Variants in PCYT2 observed in about 807,000 individuals in gnomAD.
The protein encoded by PCYT2 is phosphate cytidylyltransferase 2, ethanolamine.
A neutral mutation model predicts 50.0 loss-of-function variants in PCYT2; 33 were observed. That is an observed-to-expected ratio of 0.66 (90% CI 0.50 to 0.88). PCYT2 has a LOEUF of 0.88. Among genes scored for constraint, PCYT2 ranks in the 40% least tolerant of loss-of-function variants. The pLI, the probability that PCYT2 is intolerant of heterozygous loss-of-function variation, is 0.00. For synonymous variants in PCYT2, 240 were observed against 203.7 expected (o/e 1.18, Z -1.52); for missense variants, 430 against 519.7 (o/e 0.83, Z 1.68).
chr17:81,911,255 C>A lies in PCYT2; in HGVS notation c.89+12G>T. The A allele has an allele frequency of 9.5e-7, 1 of 1,049,230 alleles. No homozygotes were observed. Among genetic ancestry groups the A allele is most frequent in the African/African-American group, 1.7e-5 (1 of 58,162 alleles). 65.0% of individuals were successfully genotyped at this position (1,049,230 alleles called of 1,614,324 possible). A position where few individuals can be genotyped will look rare whatever the true frequency, so the allele number is the denominator to read the frequency against. On this transcript the variant is annotated intron_variant, in intron 1 of 12. Transcript: ENST00000538936. ...CCGGCGCCCCCGCGGCCCGCCCCGG[C>A]CCCGCGCTCACCAGCCATCGCACCA...
chr17:81,902,955 T>C lies in PCYT2; in HGVS notation c.*1878A>G, dbSNP rs1365397120. 5.7e-6 allele frequency: 3 copies of C among 525,352 alleles called. No homozygotes were observed. Among genetic ancestry groups the C allele is most frequent in the African/African-American group, 2.0e-5 (1 of 49,648 alleles). The allele number at this position is 525,352 out of a possible 1,614,324, so 32.5% of individuals were successfully genotyped here. On this transcript the variant is annotated 3_prime_UTR_variant, in exon 13 of 13. Coordinates refer to ENST00000538936, the MANE Select transcript of PCYT2 (RefSeq NM_002861.5). ...GCCAGGCCACGAGGGGAACGGGACC[T>C]GGAAATCCCCAAGCCTGGGTATGAG...
intron 1 of PCYT2, chr17:81,910,974 GGA>G: frequency 4.0e-6 from 4 of 991,154 alleles, no homozygotes; most frequent in African/African-American, 1.7e-5. Flanking sequence ...TGGTGGTTAC[GGA>G]GAAGCAGGGA....
Position 81,902,775 on chromosome 17 carries a change from G to A in PCYT2, c.*2058C>T. On this transcript the variant is annotated 3_prime_UTR_variant, in exon 13 of 13. Transcript: ENST00000538936. The stretch of plus-strand genomic sequence containing the variant: ...CCCGGACCTCTCCTGGCACCGCTGG[G>A]GGCCCCCCGCCCCCACCGTCCCACT... 1.9e-6 allele frequency: 3 copies of A among 1,582,608 alleles called. No individual in the cohort carries two copies. Among genetic ancestry groups the A allele is most frequent in the Non-Finnish European group, 2.6e-6 (3 of 1,167,484 alleles).
Position 81,905,425 on chromosome 17 carries a change from T to C in PCYT2, c.926A>G (p.Lys309Arg), listed in dbSNP as rs1175554034. 6.4e-7 allele frequency: 1 copy of C among 1,567,370 alleles called. No individual in the cohort carries two copies. Among genetic ancestry groups the C allele is most frequent in the East Asian group, 2.4e-5 (1 of 41,964 alleles). The change falls in exon 11 of 13, where the codon AAG (lysine) becomes AGG (arginine). Residue 309 changes from lysine to arginine, a missense_variant. Coordinates refer to ENST00000538936, the MANE Select transcript of PCYT2 (RefSeq NM_002861.5). ...HFKVDLVCHG[K>R]TEIIPDRDGS... ...ATCCCTGTCAGGGATAATTTCTGTC[T>C]TGCCGTGACACACCAGGTCCACCTG...
At position 81,902,139 on chromosome 17, in the gene PCYT2, G is replaced by A. The variant is rs1452722909; in HGVS notation, c.*2694C>T. On this transcript the variant is annotated 3_prime_UTR_variant, in exon 13 of 13. Transcript: ENST00000538936. Reference sequence around the variant, plus strand: ...GAGGTGCGACGGCTCCTCCGCGCGCGCCCGCTGCACCCCAGCCCGCCCGCC... The same window carrying A: ...GAGGTGCGACGGCTCCTCCGCGCGCACCCGCTGCACCCCAGCCCGCCCGCC... 3.8e-6 allele frequency: 3 copies of A among 787,714 alleles called. No individual in the cohort carries two copies. The highest frequency in any genetic ancestry group is 5.0e-6 in the Non-Finnish European group (3 of 600,704). The allele number at this position is 787,714 out of a possible 1,614,324, so 48.8% of individuals were successfully genotyped here.
In PCYT2 at chr17:81,907,083, G is replaced by A; in HGVS notation, c.538-185C>T. On this transcript the variant is annotated intron_variant, in intron 6 of 12. Transcript: ENST00000538936. ...TGGCGCCACCCCACAACCACAGCAG[G>A]CACCGCAGCAGACACCACTTCAGCC... is the stretch of plus-strand genomic sequence containing the variant. The A allele has an allele frequency of 2.8e-6, 3 of 1,058,866 alleles. No homozygotes were observed. The East Asian group carries it at 7.8e-5, about 27-fold the overall frequency. 65.6% of individuals were successfully genotyped at this position (1,058,866 alleles called of 1,614,324 possible).
At position 81,902,968 on chromosome 17, in the gene PCYT2, G is replaced by A; in HGVS notation, c.*1865C>T. 3.9e-6 allele frequency: 2 copies of A among 518,996 alleles called. No homozygotes were observed. The highest frequency in any genetic ancestry group is 6.7e-6 in the Non-Finnish European group (2 of 299,690). 32.1% of individuals were successfully genotyped at this position (518,996 alleles called of 1,614,324 possible). Reference sequence around the variant, plus strand: ...GGGAACGGGACCTGGAAATCCCCAAGCCTGGGTATGAGAAGGCAGCCGAGT... The same window carrying A: ...GGGAACGGGACCTGGAAATCCCCAAACCTGGGTATGAGAAGGCAGCCGAGT... On this transcript the variant is annotated 3_prime_UTR_variant, in exon 13 of 13. Transcript: ENST00000538936.
intron 9 of PCYT2, 37 bp from the exon 10 acceptor site, chr17:81,905,772 C>T: frequency 6.2e-7 from 1 of 1,603,440 alleles, no homozygotes; most frequent in African/African-American, 1.3e-5. Flanking sequence ...CTTGCTCGGT[C>T]CCTGCTACTG....
intron 1 of PCYT2, 34 bp downstream of exon 1, chr17:81,911,233 G>C: frequency 2.9e-6 from 3 of 1,030,624 alleles, no homozygotes; most frequent in Non-Finnish European, 3.5e-6. Context: ...GCCGGCCCCG[G>C]CGCCCCCGCG....
chr17:81,911,067 G>A (rs1425666509), intron 1 of PCYT2, 200 bp downstream of exon 1: 10 of 1,001,512 alleles, frequency 1.0e-5, no homozygotes, highest in Non-Finnish European at 7.1e-6. Flanking sequence ...AGAGGTAGAC[G>A]GGGTCGCCCA....
chr17:81,909,698 C>T, intron 1 of PCYT2, 96 bp from the exon 2 acceptor site: 2 of 907,186 alleles, frequency 2.2e-6, no homozygotes, highest in Non-Finnish European at 3.7e-6. Context: ...CTGAGGACTC[C>T]TTAGGAAGCG....
At chr17:81,908,362 A>G (rs1453238417) in intron 4 of PCYT2, among the ~76,000 whole-genome samples, 1 of 152,220 alleles carries the variant, frequency 6.6e-6, no homozygotes, top group Non-Finnish European at 1.5e-5. Flanking sequence ...CCCTGGGGCC[A>G]TGGGTCTGCA....
chr17:81,902,222 A>T lies in PCYT2; in HGVS notation c.*2611T>A. ...CCTCGCCGCAGATATAAGGCGGCCC[A>T]GGCGGTGGCTGCTCCGAGCCCGGAC... On this transcript the variant is annotated 3_prime_UTR_variant, in exon 13 of 13. Transcript: ENST00000538936. The T allele has an allele frequency of 8.3e-7, 1 of 1,211,422 alleles. No homozygotes were observed. Among genetic ancestry groups the T allele is most frequent in the South Asian group, 4.0e-5 (1 of 24,874 alleles). 75.0% of individuals were successfully genotyped at this position (1,211,422 alleles called of 1,614,324 possible).
rs922202648 is a variant in PCYT2 at position 81,909,602 on chromosome 17, G to A, written c.90C>T (p.Cys30=). Residue 30 remains cysteine (C), a splice_region_variant and synonymous_variant, in exon 2 of 13, where the codon TGC becomes TGT. Transcript: ENST00000538936. ...RRAVRVWCDG[C]YDMVHYGHSN... is the part of the protein sequence containing the mutation. ...AGTGGCCGTAATGCACCATGTCATA[G>A]CTGTGGAGACAGAGAGAGTGGGTGG... 28 of 1,612,722 alleles carry A rather than the reference G, an allele frequency of 1.7e-5. No individual in the cohort carries two copies. Among genetic ancestry groups the A allele is most frequent in the Non-Finnish European group, 2.3e-5 (27 of 1,179,008 alleles).
chr17:81,904,866 T>C lies in PCYT2; in HGVS notation c.1137A>G (p.Ala379=). 1 of 1,612,696 alleles carries C rather than the reference T, an allele frequency of 6.2e-7. No individual in the cohort carries two copies. The highest frequency in any genetic ancestry group is 8.5e-7 in the Non-Finnish European group (1 of 1,179,760). ...CACCATCGCGCTCCCCCAGGGGCTG[T>C]GCCGCCTGCTGCCTGGCAGCCTCCA... ...AFLEAARQQA[A]QPLGERDGDF is the part of the protein sequence containing the mutation. Residue 379 remains alanine (A), a synonymous_variant, in exon 13 of 13, where the codon GCA becomes GCG. Coordinates refer to ENST00000538936, the MANE Select transcript of PCYT2 (RefSeq NM_002861.5).
intron 7 of PCYT2, 70 bp from the exon 8 acceptor site, chr17:81,906,616 G>C (rs959308589): frequency 3.8e-6 from 6 of 1,574,196 alleles, no homozygotes; most frequent in Non-Finnish European, 5.2e-6. Context: ...TCATGCCCAA[G>C]GGCCTCCCCG....
rs776806846 is a variant in PCYT2 at position 81,904,802 on chromosome 17, A to G, written c.*31T>C. The stretch of plus-strand genomic sequence containing the variant: ...AACGCAGAAGGCGCAGAAGCAGAGC[A>G]GGGGGAGGGCCGGCCAGGGCCTCTG... On this transcript the variant is annotated 3_prime_UTR_variant, in exon 13 of 13. Coordinates refer to ENST00000538936, the MANE Select transcript of PCYT2 (RefSeq NM_002861.5). 9 of 1,432,010 alleles carry G rather than the reference A, an allele frequency of 6.3e-6. No homozygotes were observed. The African/African-American group carries it at 1.3e-4, about 20-fold the overall frequency. 88.7% of individuals were successfully genotyped at this position (1,432,010 alleles called of 1,614,324 possible).
chr17:81,907,340 C>T (rs1193280038), intron 6 of PCYT2: 2 of 1,348,490 alleles, frequency 1.5e-6, no homozygotes, highest in African/African-American at 2.9e-5. Flanking sequence ...GCAGTGGCTG[C>T]CGTGACCGGC....
intron 7 of PCYT2, 33 bp from the exon 8 acceptor site, chr17:81,906,579 G>T: frequency 1.9e-6 from 3 of 1,602,780 alleles, no homozygotes; most frequent in Non-Finnish European, 2.6e-6. Context: ...TCGGGATGGG[G>T]ATGACAGGGA....
Sources: gnomAD v4.1 joint callset for allele counts (sites outside exome capture counted in the v4.1 genomes callset) on GRCh38, gnomAD v4.1.1 for gene constraint, MANE v1.5 for transcripts, NCBI Gene and HGNC (gene_info 2026-07-23, HGNC 2026-07-21) for gene names.